The following LYRM1 variants were observed in gnomAD, a reference collection of about 807,000 sequenced individuals.
The protein encoded by LYRM1 is LYR motif-containing protein 1.
A neutral mutation model predicts 14.9 loss-of-function variants in LYRM1; 14 were observed. The observed-to-expected ratio is 0.94, with a 90% CI of 0.62 to 1.47. LYRM1 has a LOEUF of 1.47. Ranked by LOEUF, LYRM1 falls within the 40% of genes most tolerant of loss-of-function variation. LYRM1 has a pLI of 0.00. For synonymous variants in LYRM1, 43 were observed against 56.2 expected (o/e 0.77, Z 1.05); for missense variants, 153 against 149.9 (o/e 1.02, Z -0.11).
intron 2 of LYRM1, among the ~76,000 whole-genome samples, chr16:20,916,615 C>G (rs912477763): frequency 6.6e-6 from 1 of 152,206 alleles, no homozygotes; most frequent in Non-Finnish European, 1.5e-5. Flanking sequence ...GTGATTTAAG[C>G]TGTCACATCT....
At chr16:20,921,333 C>G (rs892181363) in intron 3 of LYRM1, 1 of 143,434 alleles carries the variant, frequency 7.0e-6, no homozygotes, top group Non-Finnish European at 1.5e-5. Context: ...TCAAGCAATC[C>G]TCCCACCTCA....
chr16:20,916,342 C>T (rs1459629699), intron 2 of LYRM1, among the ~76,000 whole-genome samples: 2 of 152,164 alleles, frequency 1.3e-5, no homozygotes. Context: ...TAGCTGTTAG[C>T]TCCGGGGAAG....
chr16:20,901,864 GCCTATAAACCCAGT>G lies in LYRM1; in HGVS notation c.-1+976_-1+989del, dbSNP rs1567438597. Reference sequence around the variant, plus strand: ...GGGCCGGCCGGGCGCGGTGGCTCACGCCTATAAACCCAGTACTTTGGGAGGCCTAGGCGGGCGGA... The same window carrying G: ...GGGCCGGCCGGGCGCGGTGGCTCACGACTTTGGGAGGCCTAGGCGGGCGGA... On this transcript the variant is annotated intron_variant, in intron 1 of 3. Transcript: ENST00000567954. The surrounding 1 kb of genome is among the most constrained non-coding windows in gnomAD (Gnocchi z 4.6). Among the ~76,000 whole-genome samples, 3 of 152,210 alleles carry G rather than the reference GCCTATAAACCCAGT, an allele frequency of 2.0e-5. No individual in the cohort carries two copies. The highest frequency in any genetic ancestry group is 7.2e-5 in the African/African-American group (3 of 41,450).
rs1267946378 is a variant in LYRM1 at position 20,924,122 on chromosome 16, A to C, written c.*6A>C. 1.3e-6 allele frequency: 2 copies of C among 1,494,402 alleles called. No individual in the cohort carries two copies. Among genetic ancestry groups the C allele is most frequent in the East Asian group, 4.5e-5 (2 of 44,234 alleles). The allele number at this position is 1,494,402 out of a possible 1,614,324, so 92.6% of individuals were successfully genotyped here. On this transcript the variant is annotated 3_prime_UTR_variant, in exon 4 of 4. Transcript: ENST00000567954. ...CTCATGATGAAGTTTCCTAATCTAG[A>C]GGAAAGTTTATTTCTGCAAATGATG...
chr16:20,912,037 C>G (rs893154963), intron 1 of LYRM1, among the ~76,000 whole-genome samples: 1 of 151,888 alleles, frequency 6.6e-6, no homozygotes, highest in African/African-American at 2.4e-5. Flanking sequence ...CGGGCTCATA[C>G]GATCCTCCCA....
chr16:20,905,222 C>G (rs1269360522), intron 1 of LYRM1, among the ~76,000 whole-genome samples: 7 of 152,168 alleles, frequency 4.6e-5, no homozygotes, highest in Admixed American at 4.6e-4. Flanking sequence ...TTTGTTAACT[C>G]TCAGTGCTAA....
rs565960318 is a variant in LYRM1 at position 20,909,093 on chromosome 16, TG to T, written c.1-6460del. 1.1e-3 allele frequency among the ~76,000 whole-genome samples: 162 copies of T among 152,330 alleles called. 1 individual carries two copies. Among genetic ancestry groups the T allele is most frequent in the Middle Eastern group, 3.4e-3 (1 of 294 alleles). On this transcript the variant is annotated intron_variant, in intron 1 of 3. Transcript: ENST00000567954. ...TAAGATCACCTCCCCAACCAATCTT[TG>T]GGACACTTGGCATTAGGGGACACAT...
intron 3 of LYRM1, chr16:20,921,986 T>C (rs2152557584): frequency 6.7e-6 from 1 of 149,522 alleles, no homozygotes; most frequent in South Asian, 2.2e-4. Context: ...TATGTAGCTC[T>C]CCCTCAATCT....
chr16:20,915,439 G>A lies in LYRM1; in HGVS notation c.1-117G>A, dbSNP rs372562910. 151 of 958,378 alleles carry A rather than the reference G, an allele frequency of 1.6e-4. 1 individual carries two copies. The African/African-American group carries it at 2.1e-3, about 14-fold the overall frequency. 59.4% of individuals were successfully genotyped at this position (958,378 alleles called of 1,614,324 possible). On this transcript the variant is annotated intron_variant, in intron 1 of 3. Coordinates refer to ENST00000567954, the MANE Select transcript of LYRM1 (RefSeq NM_001128302.3). ...TGCACCACTGCACTACAGCCTGGGCGACAGAGCAAGACTCCGTCTCAAAAA... is the reference window on the plus strand; with the variant it reads ...TGCACCACTGCACTACAGCCTGGGCAACAGAGCAAGACTCCGTCTCAAAAA...
intron 1 of LYRM1, among the ~76,000 whole-genome samples, chr16:20,910,339 A>T: frequency 6.6e-6 from 1 of 152,230 alleles, no homozygotes. Flanking sequence ...TCTCTCAGGA[A>T]ATCTTTGAAA....
chr16:20,918,380 C>T (rs1235780429), intron 2 of LYRM1, among the ~76,000 whole-genome samples: 3 of 152,002 alleles, frequency 2.0e-5, no homozygotes, highest in East Asian at 1.9e-4. Context: ...TGGGAGTGGG[C>T]GGAAGAGGTA....
intron 1 of LYRM1, among the ~76,000 whole-genome samples, chr16:20,912,930 A>G (rs2082669762): frequency 6.6e-6 from 1 of 151,676 alleles, no homozygotes; most frequent in African/African-American, 2.4e-5. Flanking sequence ...GCCAGGCGTG[A>G]TGGTGCGCAC....
intron 1 of LYRM1, chr16:20,902,786 C>T (rs957932583): frequency 2.6e-5 from 4 of 152,202 alleles, no homozygotes; most frequent in Non-Finnish European, 4.4e-5. Flanking sequence ...CTGTCTCCCC[C>T]AGGTACTGTT....
intron 2 of LYRM1, among the ~76,000 whole-genome samples, chr16:20,917,415 T>C (rs2082960444): frequency 1.3e-5 from 2 of 152,032 alleles, no homozygotes; most frequent in East Asian, 1.9e-4. Flanking sequence ...ATTTATAAAT[T>C]AATATAAATA....
chr16:20,906,803 A>G (rs1303001497), intron 1 of LYRM1, among the ~76,000 whole-genome samples: 1 of 152,202 alleles, frequency 6.6e-6, no homozygotes, highest in Non-Finnish European at 1.5e-5. Context: ...ACAGTGGATG[A>G]GGCCCCTCAT....
intron 1 of LYRM1, among the ~76,000 whole-genome samples, chr16:20,914,247 A>T (rs1030007256): frequency 4.7e-5 from 7 of 147,858 alleles, no homozygotes; most frequent in African/African-American, 1.5e-4. Flanking sequence ...GAGCCTACAG[A>T]CTCATTTTGT....
At chr16:20,915,238 C>T (rs751270297) in intron 1 of LYRM1, among the ~76,000 whole-genome samples, 1 of 152,032 alleles carries the variant, frequency 6.6e-6, no homozygotes, top group Non-Finnish European at 1.5e-5. Flanking sequence ...TTTGGGAGGC[C>T]GAGGCGGGCA....
chr16:20,901,378 A>G lies in LYRM1; in HGVS notation c.-1+489A>G, dbSNP rs1390173616. ...GTGCAGGAGAGAGTTAAGTAAATCAATAAAGAAGGTATCAGCAAGTGAGAA... is the reference window on the plus strand; with the variant it reads ...GTGCAGGAGAGAGTTAAGTAAATCAGTAAAGAAGGTATCAGCAAGTGAGAA... On this transcript the variant is annotated intron_variant, in intron 1 of 3. Coordinates refer to ENST00000567954, the MANE Select transcript of LYRM1 (RefSeq NM_001128302.3). This position sits in a 1 kb window ranked among gnomAD's most constrained non-coding sequence, Gnocchi z 4.6. Among the ~76,000 whole-genome samples, 1 of 152,220 alleles carries G rather than the reference A, an allele frequency of 6.6e-6. No homozygotes were observed. The highest frequency in any genetic ancestry group is 2.4e-5 in the African/African-American group (1 of 41,458).
At chr16:20,914,594 G>A (rs1349203797) in intron 1 of LYRM1, among the ~76,000 whole-genome samples, 3 of 151,678 alleles carry the variant, frequency 2.0e-5, no homozygotes, top group Admixed American at 6.6e-5. Flanking sequence ...GAGCCACCAC[G>A]CCTGGCCTCA....
Sources: allele counts gnomAD v4.1 joint callset (sites outside exome capture counted in the v4.1 genomes callset), GRCh38; gene constraint gnomAD v4.1.1; non-coding constraint Gnocchi (gnomAD v3.1); transcripts MANE v1.5; gene names NCBI Gene and HGNC (gene_info 2026-07-23, HGNC 2026-07-21).